CPA6: variants seen among roughly 807,000 people sequenced by gnomAD.
CPA6 encodes the protein carboxypeptidase B.
In CPA6, 58 loss-of-function variants were observed where a neutral mutation model predicts 63.3. The observed-to-expected ratio is 0.92, with a 90% CI of 0.74 to 1.14. CPA6 has a LOEUF of 1.14. CPA6 is among the 50% of genes most tolerant of loss of function. The pLI is 0.00. For missense variants in CPA6, 565 were observed against 526.6 expected (o/e 1.07, Z -0.71); for synonymous variants, 185 against 179.0 (o/e 1.03, Z -0.27).
At chr8:67,494,309 G>A (rs563056455) in intron 6 of CPA6, among the ~76,000 whole-genome samples, 15 of 151,634 alleles carry the variant, frequency 9.9e-5, no homozygotes, top group South Asian at 2.1e-4. Flanking sequence ...ATTCCTTTAC[G>A]CCTCTTTCTT....
chr8:67,714,677 A>G (rs971540762), intron 1 of CPA6, among the ~76,000 whole-genome samples: 8 of 152,284 alleles, frequency 5.3e-5, no homozygotes, highest in Admixed American at 3.9e-4. Flanking sequence ...AAGTGAGTAA[A>G]TAGATAAATA....
At chr8:67,693,499 G>T (rs1245557154) in intron 1 of CPA6, among the ~76,000 whole-genome samples, 2 of 152,218 alleles carry the variant, frequency 1.3e-5, no homozygotes, top group East Asian at 3.8e-4. Context: ...TTTTGTCCCT[G>T]TAAATTTCAT....
At chr8:67,555,757 G>A (rs915798288) in intron 2 of CPA6, among the ~76,000 whole-genome samples, 5 of 152,176 alleles carry the variant, frequency 3.3e-5, no homozygotes, top group Admixed American at 6.5e-5. Context: ...CTGGGTGTTA[G>A]TGTCAGGATT....
At chr8:67,695,611 C>T (rs1816899407) in intron 1 of CPA6, among the ~76,000 whole-genome samples, 1 of 152,204 alleles carries the variant, frequency 6.6e-6, no homozygotes, top group Non-Finnish European at 1.5e-5. Context: ...AGTGTGGCAA[C>T]TGGCTCACGC....
intron 8 of CPA6, among the ~76,000 whole-genome samples, chr8:67,436,472 A>C (rs1373308621): frequency 2.0e-5 from 3 of 152,032 alleles, no homozygotes; most frequent in African/African-American, 7.2e-5. Context: ...AGACATATGT[A>C]AAGGTATCTG....
intron 8 of CPA6, among the ~76,000 whole-genome samples, chr8:67,479,291 T>G (rs1034550862): frequency 6.6e-6 from 1 of 152,220 alleles, no homozygotes; most frequent in African/African-American, 2.4e-5. Flanking sequence ...AACTATTGTC[T>G]GCTGTATATT....
intron 1 of CPA6, among the ~76,000 whole-genome samples, chr8:67,685,650 A>G (rs1816695948): frequency 6.6e-6 from 1 of 152,146 alleles, no homozygotes; most frequent in Non-Finnish European, 1.5e-5. Context: ...AAAAAACTAG[A>G]ATTGCTAACC....
intron 1 of CPA6, among the ~76,000 whole-genome samples, chr8:67,697,150 T>C (rs1404294070): frequency 6.6e-6 from 1 of 152,136 alleles, no homozygotes. Flanking sequence ...TAATCACTGC[T>C]CTGTTGTACT....
At chr8:67,623,525 A>G (rs564685784) in intron 2 of CPA6, among the ~76,000 whole-genome samples, 1 of 152,170 alleles carries the variant, frequency 6.6e-6, no homozygotes, top group South Asian at 2.1e-4. Flanking sequence ...GCAACCTCCC[A>G]GGTTCAACTG....
intron 2 of CPA6, among the ~76,000 whole-genome samples, chr8:67,582,183 T>A (rs1286437258): frequency 1.3e-5 from 2 of 152,116 alleles, no homozygotes; most frequent in Non-Finnish European, 2.9e-5. Flanking sequence ...ATGGAAGGCA[T>A]AAAATCACGT....
chr8:67,648,967 A>T (rs997119982), intron 1 of CPA6, among the ~76,000 whole-genome samples: 2 of 151,448 alleles, frequency 1.3e-5, no homozygotes, highest in African/African-American at 4.9e-5. Context: ...TGGTTTGGGG[A>T]GGGAATTTTT....
chr8:67,716,432 T>A (rs888237421), intron 1 of CPA6, among the ~76,000 whole-genome samples: 11 of 152,160 alleles, frequency 7.2e-5, no homozygotes, highest in Non-Finnish European at 1.2e-4. Context: ...CAAAGGTAGA[T>A]AAGAGACAAA....
At chr8:67,424,714 C>G (rs1809846368) in intron 10 of CPA6, among the ~76,000 whole-genome samples, 1 of 152,204 alleles carries the variant, frequency 6.6e-6, no homozygotes, top group South Asian at 2.1e-4. Flanking sequence ...CATCCTCAAC[C>G]ACTTTCAATC....
At chr8:67,492,688 A>T (rs1434015229) in intron 6 of CPA6, among the ~76,000 whole-genome samples, 7 of 152,196 alleles carry the variant, frequency 4.6e-5, no homozygotes, top group African/African-American at 1.7e-4. Context: ...GTCCTGCTTC[A>T]GCTTGCGTCG....
chr8:67,596,913 T>C (rs993410968), intron 2 of CPA6, among the ~76,000 whole-genome samples: 7 of 152,198 alleles, frequency 4.6e-5, no homozygotes, highest in Admixed American at 1.3e-4. Context: ...TGATTAAGCA[T>C]TTTTGGCAGG....
chr8:67,495,047 C>T (rs936160936), intron 6 of CPA6, among the ~76,000 whole-genome samples: 29 of 152,278 alleles, frequency 1.9e-4, no homozygotes, highest in African/African-American at 5.1e-4. Context: ...CCAGTATCCA[C>T]GGTGTCTTAA....
At chr8:67,691,542 G>T (rs1043029611) in intron 1 of CPA6, among the ~76,000 whole-genome samples, 3 of 152,142 alleles carry the variant, frequency 2.0e-5, no homozygotes, top group African/African-American at 4.8e-5. Context: ...AAATAGCCTG[G>T]ATCCCTGAGT....
At chr8:67,533,997 C>G (rs1011535500) in intron 2 of CPA6, among the ~76,000 whole-genome samples, 1 of 152,206 alleles carries the variant, frequency 6.6e-6, no homozygotes, top group African/African-American at 2.4e-5. Flanking sequence ...CAAAACAGTT[C>G]TTGAATGGTA....
At chr8:67,611,844 C>A (rs902558797) in intron 2 of CPA6, among the ~76,000 whole-genome samples, 1 of 152,142 alleles carries the variant, frequency 6.6e-6, no homozygotes, top group African/African-American at 2.4e-5. Context: ...TCTCACTTTG[C>A]GGTGCATGGA....
Sources: allele counts gnomAD v4.1 joint callset (sites outside exome capture counted in the v4.1 genomes callset), GRCh38; gene constraint gnomAD v4.1.1; transcripts MANE v1.5; gene names NCBI Gene and HGNC (gene_info 2026-07-23, HGNC 2026-07-21).